Variants in PLCB1 observed in about 807,000 individuals in gnomAD.
PLCB1 encodes 1-phosphatidylinositol 4,5-bisphosphate phosphodiesterase beta-1.
A neutral mutation model predicts 161.8 loss-of-function variants in PLCB1; 46 were observed. The ratio of observed to expected loss-of-function variants is 0.28; its 90% CI spans 0.22 to 0.36. PLCB1 has a LOEUF of 0.36. Ranked by LOEUF, PLCB1 falls within the 10% of genes least tolerant of loss-of-function variation. The probability of loss-of-function intolerance (pLI) is 1.00; values close to 1 mark genes in which losing one functional copy is unlikely to be tolerated. For missense variants in PLCB1, 1,016 were observed against 1,472.5 expected, an observed-to-expected ratio of 0.69 and a Z score of 5.07; for synonymous variants, 517 against 503.7, an observed-to-expected ratio of 1.03 and a Z score of -0.35.
At chr20:8,804,654 A>T (rs1984441027) in intron 31 of PLCB1, among the ~76,000 whole-genome samples, 1 of 152,144 alleles carries the variant, frequency 6.6e-6, no homozygotes, top group Non-Finnish European at 1.5e-5. Flanking sequence ...AAACATCTTC[A>T]TTCATACACT....
intron 3 of PLCB1, among the ~76,000 whole-genome samples, chr20:8,405,585 A>G (rs1004558876): frequency 6.6e-6 from 1 of 152,180 alleles, no homozygotes; most frequent in Non-Finnish European, 1.5e-5. Context: ...TTTTGCAATC[A>G]ATCTACCCCA....
chr20:8,429,277 C>T (rs1005398860), intron 3 of PLCB1, among the ~76,000 whole-genome samples: 1 of 152,140 alleles, frequency 6.6e-6, no homozygotes, highest in South Asian at 2.1e-4. Context: ...TTTTAAACTT[C>T]TCTAACTCTT....
intron 2 of PLCB1, among the ~76,000 whole-genome samples, chr20:8,255,167 C>T (rs1043994666): frequency 4.6e-5 from 7 of 151,978 alleles, no homozygotes; most frequent in African/African-American, 9.7e-5. Context: ...TCTTGACCCA[C>T]GGGTAGGTTA....
intron 1 of PLCB1, among the ~76,000 whole-genome samples, chr20:8,133,297 C>A (rs1199268388): frequency 6.6e-6 from 1 of 152,172 alleles, no homozygotes; most frequent in Non-Finnish European, 1.5e-5. Context: ...TGCCAAACTT[C>A]AGCGCCTGGC....
rs907616813 is a variant in PLCB1 at position 8,783,530 on chromosome 20, T to G, written c.3112-4919T>G. ...ATCTTGTTTAGAGATTAAGCAGAGT[T>G]GTTTTATTTCTGTTTTTGTTTGTTT... is the stretch of plus-strand genomic sequence containing the variant. On this transcript the variant is annotated intron_variant, in intron 27 of 31. Transcript: ENST00000338037. Among the ~76,000 whole-genome samples, 7 of 152,222 alleles carry G rather than the reference T, an allele frequency of 4.6e-5. No individual in the cohort carries two copies. In the East Asian group the frequency reaches 1.3e-3, roughly 29 times the overall value.
rs770134240 is a variant in PLCB1, at chr20:8,774,590, C to T, written c.2982C>T (p.Leu994=). 25 of 1,613,678 alleles carry T rather than the reference C, an allele frequency of 1.5e-5. No individual in the cohort carries two copies. Among genetic ancestry groups the T allele is most frequent in the East Asian group, 6.7e-5 (3 of 44,896 alleles). The part of the protein sequence containing the change: ...DHGSSTIEQD[L]AALDAEMTQK... ...GTTCATCAACGATTGAGCAAGACCT[C>T]GCTGCTCTGGATGCTGAAATGACCC... is the stretch of plus-strand genomic sequence containing the variant. The change falls in exon 27 of 32, where the codon CTC becomes CTT. Residue 994 remains leucine, a synonymous_variant. Coordinates refer to ENST00000338037, the MANE Select transcript of PLCB1 (RefSeq NM_015192.4).
intron 31 of PLCB1, among the ~76,000 whole-genome samples, chr20:8,827,426 T>C (rs1237653477): frequency 6.6e-6 from 1 of 152,214 alleles, no homozygotes; most frequent in Non-Finnish European, 1.5e-5. Flanking sequence ...CATTTTAATG[T>C]AGGCAAGAGA....
intron 3 of PLCB1, among the ~76,000 whole-genome samples, chr20:8,485,756 T>C (rs897007180): frequency 6.6e-6 from 1 of 152,214 alleles, no homozygotes; most frequent in Non-Finnish European, 1.5e-5. Context: ...AAATGTGTGA[T>C]ATATGTTTCC....
intron 3 of PLCB1, among the ~76,000 whole-genome samples, chr20:8,493,092 C>G (rs918021888): frequency 6.6e-6 from 1 of 152,088 alleles, no homozygotes; most frequent in African/African-American, 2.4e-5. Context: ...ACCCCAAGAT[C>G]CCCTTCTGTA....
chr20:8,194,390 G>GT (rs2052001481), intron 2 of PLCB1, among the ~76,000 whole-genome samples: 2 of 151,890 alleles, frequency 1.3e-5, no homozygotes, highest in Non-Finnish European at 2.9e-5. Context: ...AAAAACTCCC[G>GT]TAAGTGCACC....
intron 2 of PLCB1, among the ~76,000 whole-genome samples, chr20:8,162,394 T>A (rs1177088412): frequency 6.6e-6 from 1 of 152,212 alleles, no homozygotes; most frequent in East Asian, 1.9e-4. Flanking sequence ...AGGCAGATGT[T>A]ATCTTATTAA....
chr20:8,731,509 T>C (rs962585887), intron 18 of PLCB1, among the ~76,000 whole-genome samples: 1 of 151,934 alleles, frequency 6.6e-6, no homozygotes, highest in African/African-American at 2.4e-5. Flanking sequence ...AAGTCAGATA[T>C]TGGCTGTGAC....
At chr20:8,703,661 C>T (rs1309471544) in intron 11 of PLCB1, among the ~76,000 whole-genome samples, 1 of 152,106 alleles carries the variant, frequency 6.6e-6, no homozygotes, top group Non-Finnish European at 1.5e-5. Flanking sequence ...TACACAATGT[C>T]AGAGGCAGGA....
intron 2 of PLCB1, among the ~76,000 whole-genome samples, chr20:8,345,443 A>T (rs554611092): frequency 3.9e-5 from 6 of 152,288 alleles, no homozygotes; most frequent in African/African-American, 1.2e-4. Flanking sequence ...GTTCATGTGA[A>T]TGAGCCATAG....
At chr20:8,173,266 A>G (rs1051911415) in intron 2 of PLCB1, among the ~76,000 whole-genome samples, 48 of 152,140 alleles carry the variant, frequency 3.2e-4, no homozygotes, top group Admixed American at 2.9e-3. Flanking sequence ...TTTCACTACA[A>G]CAAGCGCTTG....
chr20:8,510,363 G>C (rs1311919647), intron 3 of PLCB1, among the ~76,000 whole-genome samples: 1 of 148,274 alleles, frequency 6.7e-6, no homozygotes, highest in Non-Finnish European at 1.5e-5. Context: ...GGATAACTCT[G>C]ATCTTTTTCT....
At position 8,358,538 on chromosome 20, in the gene PLCB1, A is replaced by G. The variant is rs529001454; in HGVS notation, c.178-12844A>G. Among the ~76,000 whole-genome samples, 104 of 152,226 alleles carry G rather than the reference A, an allele frequency of 6.8e-4. 1 individual carries two copies. Among genetic ancestry groups the G allele is most frequent in the Admixed American group, 2.7e-3 (41 of 15,294 alleles). ...AGTGCTGGGATTACAGGCGTGAGCC[A>G]CCGAGCCCGGCGTGTCCTACCCTGC... On this transcript the variant is annotated intron_variant, in intron 2 of 31. Transcript: ENST00000338037.
chr20:8,657,775 GAAAA>G (rs530541762), intron 8 of PLCB1, among the ~76,000 whole-genome samples: 8 of 151,370 alleles, frequency 5.3e-5, no homozygotes, highest in Non-Finnish European at 1.0e-4. Flanking sequence ...AAGAAAAAAG[GAAAA>G]AAAAGAAAGA....
At chr20:8,345,636 G>A (rs939384717) in intron 2 of PLCB1, among the ~76,000 whole-genome samples, 6 of 152,156 alleles carry the variant, frequency 3.9e-5, no homozygotes, top group Non-Finnish European at 7.3e-5. Context: ...CATCCCACCA[G>A]GGTGACATCC....
Sources: allele counts gnomAD v4.1 joint callset (sites outside exome capture counted in the v4.1 genomes callset), GRCh38; gene constraint gnomAD v4.1.1; transcripts MANE v1.5; gene names NCBI Gene and HGNC (gene_info 2026-07-23, HGNC 2026-07-21).